The following PRKX variants were observed in gnomAD, a reference collection of about 807,000 sequenced individuals.
The protein encoded by PRKX is cAMP-dependent protein kinase catalytic subunit PRKX.
Under a neutral mutation model 22.0 loss-of-function variants are expected in PRKX, and 12 were observed. That is an observed-to-expected ratio of 0.54 (90% CI 0.35 to 0.88). PRKX has a LOEUF of 0.88. Among genes scored for constraint, PRKX ranks in the 40% least tolerant of loss-of-function variants. PRKX has a pLI of 0.01. For missense variants in PRKX, 217 were observed against 308.0 expected, an observed-to-expected ratio of 0.70 and a Z score of 2.21; for synonymous variants, 134 against 137.7, an observed-to-expected ratio of 0.97 and a Z score of 0.19.
chrX:3,612,207 T>C lies in PRKX; in HGVS notation c.1070A>G (p.Asn357Ser). Residue 357 changes from asparagine to serine, a missense_variant, in exon 8 of 9, where the codon AAT becomes AGT. By Grantham distance (46) the Asn-to-Ser change is conservative. Coordinates refer to ENST00000262848, the MANE Select transcript of PRKX (RefSeq NM_005044.5). ...AGATGTGAGCTCCTGTCCTCAGAAA[T>C]TCTTGAAGATTTCTAAATCCTTCTG... ...VPQKDLEIFK[N>S]F 8.3e-7 allele frequency: 1 copy of C among 1,208,122 alleles called. No homozygotes were observed. The highest frequency in any genetic ancestry group is 1.1e-6 in the Non-Finnish European group (1 of 893,979).
chrX:3,661,118 G>A (rs1357872429), intron 2 of PRKX, among the ~76,000 whole-genome samples: 1 of 111,256 alleles, frequency 9.0e-6, no homozygotes, highest in Non-Finnish European at 1.9e-5. Flanking sequence ...ATACACTAAT[G>A]CGGGATCACC....
At position 3,653,434 on chromosome X, in the gene PRKX, A is replaced by T. The variant is rs1927379714; in HGVS notation, c.599+1715T>A. 2.8e-5 allele frequency among the ~76,000 whole-genome samples: 3 copies of T among 108,937 alleles called. No homozygotes were observed. The South Asian group carries it at 1.2e-3, about 42-fold the overall frequency. The allele number at this position is 108,937 out of a possible 115,157, so 94.6% of individuals were successfully genotyped here. A position where few individuals can be genotyped will look rare whatever the true frequency, so the allele number is the denominator to read the frequency against. The stretch of plus-strand genomic sequence containing the variant: ...ATGAGTGTGTGTTAGTGCAGCCCGC[A>T]CTGGCTGAGACGACATGTAATGGTT... On this transcript the variant is annotated intron_variant, in intron 3 of 8. Transcript: ENST00000262848.
intron 1 of PRKX, among the ~76,000 whole-genome samples, chrX:3,708,918 T>C (rs931421923): frequency 9.2e-5 from 10 of 109,003 alleles, no homozygotes; most frequent in Non-Finnish European, 1.7e-4. Flanking sequence ...TCCTGCACCA[T>C]GGTTTGGAGG....
intron 1 of PRKX, among the ~76,000 whole-genome samples, chrX:3,711,676 G>A (rs890028515): frequency 8.1e-5 from 9 of 111,184 alleles, no homozygotes; most frequent in Admixed American, 2.9e-4. Context: ...CTTCTTCCGC[G>A]CAAAACACAC....
intron 1 of PRKX, among the ~76,000 whole-genome samples, chrX:3,687,039 A>G (rs762362212): frequency 1.2e-3 from 133 of 111,134 alleles, no homozygotes; most frequent in African/African-American, 4.1e-3. Flanking sequence ...ATTTTTTTTA[A>G]GAGACAGGTC....
intron 5 of PRKX, among the ~76,000 whole-genome samples, chrX:3,622,730 C>T (rs1926583068): frequency 8.9e-6 from 1 of 111,807 alleles, no homozygotes; most frequent in African/African-American, 3.2e-5. Context: ...TCCTGTAAGG[C>T]TGAAAAGCTT....
chrX:3,642,472 G>T (rs1400406747), intron 3 of PRKX, among the ~76,000 whole-genome samples: 1 of 109,804 alleles, frequency 9.1e-6, no homozygotes, highest in Non-Finnish European at 1.9e-5. Flanking sequence ...CTGGCCGCTG[G>T]AAGGAGAAGC....
intron 4 of PRKX, among the ~76,000 whole-genome samples, chrX:3,626,932 G>A (rs1926671017): frequency 9.0e-6 from 1 of 111,430 alleles, no homozygotes; most frequent in Non-Finnish European, 1.9e-5. Flanking sequence ...AGAGCGAAAA[G>A]ATAAGCACTC....
chrX:3,642,082 C>T (rs1927090140), intron 3 of PRKX, 111 bp from the exon 4 acceptor site: 11 of 923,955 alleles, frequency 1.2e-5, no homozygotes, highest in Non-Finnish European at 1.5e-6. Context: ...AACCACGCTC[C>T]GTTTACCCTC....
chrX:3,695,737 T>C (rs761331296), intron 1 of PRKX, among the ~76,000 whole-genome samples: 31 of 111,845 alleles, frequency 2.8e-4, no homozygotes, highest in Non-Finnish European at 5.3e-4. Context: ...CTCCGAATGA[T>C]CTGTCATTTC....
intron 1 of PRKX, among the ~76,000 whole-genome samples, chrX:3,693,946 A>T (rs1306942988): frequency 9.3e-6 from 1 of 107,755 alleles, no homozygotes; most frequent in Non-Finnish European, 1.9e-5. Flanking sequence ...TCTCAAAAAA[A>T]AAAAAAAAAA....
At chrX:3,689,717 C>G (rs755472894) in intron 1 of PRKX, among the ~76,000 whole-genome samples, 2 of 111,909 alleles carry the variant, frequency 1.8e-5, no homozygotes, top group South Asian at 7.4e-4. Flanking sequence ...GTGGCTCACA[C>G]CTGTAATCCC....
intron 1 of PRKX, among the ~76,000 whole-genome samples, chrX:3,703,448 C>G (rs748315288): frequency 3.6e-4 from 40 of 111,187 alleles, no homozygotes; most frequent in African/African-American, 1.3e-3. Flanking sequence ...CTGATAACCT[C>G]TGTGTGGTCT....
At chrX:3,637,950 C>CG (rs1378663966) in intron 4 of PRKX, among the ~76,000 whole-genome samples, 1 of 109,294 alleles carries the variant, frequency 9.1e-6, no homozygotes, top group Non-Finnish European at 1.9e-5. Context: ...GTAGTAGAGA[C>CG]GGGGTTTTAC....
intron 1 of PRKX, among the ~76,000 whole-genome samples, chrX:3,689,955 T>C (rs764685272): frequency 7.7e-4 from 86 of 111,294 alleles, no homozygotes; most frequent in South Asian, 1.5e-3. Flanking sequence ...CCAGCCTGCG[T>C]GACAGAGCAA....
At chrX:3,621,975 CA>C (rs892804887) in intron 5 of PRKX, among the ~76,000 whole-genome samples, 3 of 107,205 alleles carry the variant, frequency 2.8e-5, no homozygotes, top group South Asian at 8.2e-4. Flanking sequence ...CCCATCTCTA[CA>C]AAAAAAAAGA....
chrX:3,709,042 C>T (rs997363962), intron 1 of PRKX, among the ~76,000 whole-genome samples: 2 of 108,086 alleles, frequency 1.9e-5, no homozygotes, highest in East Asian at 2.9e-4. Context: ...AAGCCGGGCA[C>T]GATGGCTCAT....
intron 3 of PRKX, among the ~76,000 whole-genome samples, chrX:3,646,452 A>G (rs978738445): frequency 8.9e-6 from 1 of 111,830 alleles, no homozygotes; most frequent in African/African-American, 3.2e-5. Flanking sequence ...TAACAGGGGC[A>G]TGGTAGGGCT....
chrX:3,640,142 G>A (rs767669758), intron 4 of PRKX, among the ~76,000 whole-genome samples: 10 of 109,627 alleles, frequency 9.1e-5, no homozygotes, highest in East Asian at 8.7e-4. Flanking sequence ...CAGAGGATAC[G>A]CTGGTGTCTG....
Sources: gnomAD v4.1 joint callset for allele counts (sites outside exome capture counted in the v4.1 genomes callset) on GRCh38, gnomAD v4.1.1 for gene constraint, MANE v1.5 for transcripts, NCBI Gene and HGNC (gene_info 2026-07-23, HGNC 2026-07-21) for gene names.